Variants in SAFB observed in about 807,000 individuals in gnomAD.
SAFB encodes the protein scaffold attachment factor B, also known as scaffold attachment factor B1.
In SAFB, 15 loss-of-function variants were observed where a neutral mutation model predicts 101.6. That is an observed-to-expected ratio of 0.15 (90% CI 0.10 to 0.23). The LOEUF is 0.23. Among genes scored for constraint, SAFB ranks in the 10% least tolerant of loss-of-function variants. SAFB has a pLI of 1.00. For missense variants in SAFB, 930 were observed against 1,104.1 expected, an observed-to-expected ratio of 0.84 and a Z score of 2.23; for synonymous variants, 449 against 407.5, an observed-to-expected ratio of 1.10 and a Z score of -1.23.
At chr19:5,658,097 A>C (rs1266114360) in intron 14 of SAFB, among the ~76,000 whole-genome samples, 1 of 151,732 alleles carries the variant, frequency 6.6e-6, no homozygotes, top group Non-Finnish European at 1.5e-5. Context: ...TCCCCTGTTC[A>C]AGCAGTTCTC....
Position 5,661,820 on chromosome 19 carries a change from C to A in SAFB, c.2153+12C>A, listed in dbSNP as rs528427487. On this transcript the variant is annotated intron_variant, in intron 15 of 20. Coordinates refer to ENST00000588852, the MANE Select transcript of SAFB (RefSeq NM_001201338.2). ...TACGACCTGGACCGGTAAGCAGATC[C>A]ATGCTGCCCTTAGCACGTGGCGTTC... 3 of 1,523,696 alleles carry A rather than the reference C, an allele frequency of 2.0e-6. No homozygotes were observed. The highest frequency in any genetic ancestry group is 4.1e-5 in the Admixed American group (2 of 49,338). The allele number at this position is 1,523,696 out of a possible 1,614,324, so 94.4% of individuals were successfully genotyped here.
intron 17 of SAFB, chr19:5,665,161 T>G (rs1313061923): frequency 6.6e-6 from 1 of 152,278 alleles, no homozygotes; most frequent in African/African-American, 2.4e-5. Context: ...GGTTCCTTAA[T>G]GTGGCTGAGC....
intron 17 of SAFB, chr19:5,665,268 C>A (rs1401543317): frequency 6.6e-6 from 1 of 152,170 alleles, no homozygotes; most frequent in East Asian, 1.9e-4. Context: ...TTATATGCAG[C>A]AAAACGTAGA....
At position 5,661,667 on chromosome 19, in the gene SAFB, G is replaced by A. The variant is rs778865924; in HGVS notation, c.2012G>A (p.Arg671His). Residue 671 changes from arginine (R) to histidine (H), a missense_variant, in exon 15 of 21, where the codon CGC becomes CAC. By Grantham distance (29) the Arg-to-His change is conservative. Coordinates refer to ENST00000588852, the MANE Select transcript of SAFB (RefSeq NM_001201338.2). ...RERMERERLE[R>H]ERMHVEHERR... ...CGCATGGAGCGGGAACGGCTGGAGC[G>A]CGAACGCATGCACGTGGAGCACGAG... The A allele has an allele frequency of 3.1e-6, 5 of 1,611,228 alleles. No individual in the cohort carries two copies. Among genetic ancestry groups the A allele is most frequent in the Admixed American group, 1.7e-5 (1 of 59,810 alleles).
chr19:5,646,664 T>C (rs1169967243), intron 5 of SAFB, among the ~76,000 whole-genome samples: 1 of 152,096 alleles, frequency 6.6e-6, no homozygotes, highest in African/African-American at 2.4e-5. Flanking sequence ...ATGAGGAAAG[T>C]GTACAGTTTC....
chr19:5,662,643 CTTTT>C (rs564198873), intron 15 of SAFB, among the ~76,000 whole-genome samples: 2 of 139,106 alleles, frequency 1.4e-5, no homozygotes, highest in Admixed American at 1.4e-4. Flanking sequence ...AGGCCCTTTC[CTTTT>C]TTTTTTTTTT....
chr19:5,660,889 T>TG (rs906317988), intron 14 of SAFB, among the ~76,000 whole-genome samples: 3 of 147,656 alleles, frequency 2.0e-5, no homozygotes, highest in African/African-American at 7.5e-5. Context: ...GTCTAGGGAG[T>TG]GAAGGTTCCA....
At chr19:5,639,869 C>T (rs888990593) in intron 2 of SAFB, among the ~76,000 whole-genome samples, 2 of 151,342 alleles carry the variant, frequency 1.3e-5, no homozygotes, top group Non-Finnish European at 2.9e-5. Context: ...TGGAGTTTTG[C>T]TTTTGTTGCC....
chr19:5,665,970 C>T (rs974261063), intron 17 of SAFB: 4 of 152,202 alleles, frequency 2.6e-5, no homozygotes, highest in African/African-American at 7.2e-5. Context: ...ACATCGTGCA[C>T]GTGGTGGAGC....
chr19:5,653,406 G>C lies in SAFB; in HGVS notation c.1512G>C (p.Ser504=). 1 of 1,613,964 alleles carries C rather than the reference G, an allele frequency of 6.2e-7. No individual in the cohort carries two copies. Among genetic ancestry groups the C allele is most frequent in the Non-Finnish European group, 8.5e-7 (1 of 1,179,908 alleles). The stretch of plus-strand genomic sequence containing the variant: ...ACAGTGACGGGAAAAAGGAGAAGTC[G>C]AGCAACAGTGACAGGTACCCCTCCT... ...KRDSDGKKEK[S]SNSDRSTNLK... The change falls in exon 11 of 21, where the codon TCG becomes TCC. Residue 504 remains serine (S), a synonymous_variant. Transcript: ENST00000588852.
chr19:5,645,997 ATGAGT>A (rs1303986030), intron 5 of SAFB, among the ~76,000 whole-genome samples: 2 of 152,112 alleles, frequency 1.3e-5, no homozygotes, highest in Non-Finnish European at 2.9e-5. Flanking sequence ...ATGAGAACAG[ATGAGT>A]TGAGAATTTC....
At chr19:5,646,371 G>A (rs983531148) in intron 5 of SAFB, among the ~76,000 whole-genome samples, 2 of 152,152 alleles carry the variant, frequency 1.3e-5, no homozygotes, top group Non-Finnish European at 2.9e-5. Context: ...TAGAGCTGCC[G>A]TCTCTCCACC....
chr19:5,654,294 T>A, intron 12 of SAFB, 74 bp from the exon 13 acceptor site: 1 of 1,591,640 alleles, frequency 6.3e-7, no homozygotes, highest in Non-Finnish European at 8.6e-7. Context: ...GGAAACTGGA[T>A]TCATGTTGCA....
chr19:5,648,143 A>G (rs1189651720), intron 6 of SAFB, 100 bp downstream of exon 6: 4 of 989,948 alleles, frequency 4.0e-6, no homozygotes, highest in East Asian at 4.8e-5. Context: ...TTACCTTACT[A>G]TAGTATACAT....
intron 1 of SAFB, among the ~76,000 whole-genome samples, chr19:5,625,200 C>T (rs1436990623): frequency 6.6e-6 from 1 of 152,222 alleles, no homozygotes; most frequent in East Asian, 1.9e-4. Context: ...TTCTGTCATC[C>T]TGTTGGTGTC....
At chr19:5,644,875 G>A (rs187316518) in intron 4 of SAFB, among the ~76,000 whole-genome samples, 4 of 152,332 alleles carry the variant, frequency 2.6e-5, no homozygotes, top group East Asian at 3.9e-4. Context: ...GGGAGATGCT[G>A]TTCCATTGAG....
In SAFB at chr19:5,635,309, TAAA is replaced by T. The variant is rs752955047; in HGVS notation, c.275-6282_275-6280del. On this transcript the variant is annotated intron_variant, in intron 2 of 20. Transcript: ENST00000588852. ...TGGAGGTGGATCAATACGCAGTACA[TAAA>T]AATGTCCAAGGCCTGTTAGTAGTTT... Among the ~76,000 whole-genome samples, 80 of 152,012 alleles carry T rather than the reference TAAA, an allele frequency of 5.3e-4. 2 individuals are homozygous for T. Among genetic ancestry groups the T allele is most frequent in the Non-Finnish European group, 1.1e-3 (77 of 67,960 alleles).
At chr19:5,654,709 G>A (rs1265704923) in intron 13 of SAFB, among the ~76,000 whole-genome samples, 3 of 151,996 alleles carry the variant, frequency 2.0e-5, no homozygotes, top group Non-Finnish European at 4.4e-5. Context: ...TCAGCCTCCC[G>A]AGTAGCTGGG....
chr19:5,655,494 T>C (rs1273893666), intron 13 of SAFB, among the ~76,000 whole-genome samples: 1 of 151,020 alleles, frequency 6.6e-6, no homozygotes, highest in Non-Finnish European at 1.5e-5. Context: ...ACACCTATTA[T>C]TTGCATGGTC....
Sources: gnomAD v4.1 joint callset for allele counts (sites outside exome capture counted in the v4.1 genomes callset) on GRCh38, gnomAD v4.1.1 for gene constraint, MANE v1.5 for transcripts, NCBI Gene and HGNC (gene_info 2026-07-23, HGNC 2026-07-21) for gene names.